Variants in ADGRA2 observed in about 807,000 individuals in gnomAD.
ADGRA2 encodes the protein adhesion G protein-coupled receptor A2.
Under a neutral mutation model 98.7 loss-of-function variants are expected in ADGRA2, and 61 were observed. The ratio of observed to expected loss-of-function variants is 0.62; its 90% CI spans 0.50 to 0.76. The LOEUF is 0.76. ADGRA2 is among the 30% of genes least tolerant of loss of function. ADGRA2 has a pLI of 0.00. For missense variants in ADGRA2, 1,712 were observed against 1,860.0 expected, an observed-to-expected ratio of 0.92 and a Z score of 1.46; for synonymous variants, 858 against 831.5, an observed-to-expected ratio of 1.03 and a Z score of -0.55.
rs1369837471 is a variant in ADGRA2 at position 37,802,339 on chromosome 8, C to T, written c.266+4805C>T. ...CAGGCCGGCGCCTCCACCCCCTTCTCTTCCACCAGCTTTCCCCCATATGGT... is the reference window on the plus strand; with the variant it reads ...CAGGCCGGCGCCTCCACCCCCTTCTTTTCCACCAGCTTTCCCCCATATGGT... On this transcript the variant is annotated intron_variant, in intron 1 of 18. Transcript: ENST00000412232. The surrounding 1 kb of genome is among the most constrained non-coding windows in gnomAD (Gnocchi z 4.7). Among the ~76,000 whole-genome samples, 3 of 152,240 alleles carry T rather than the reference C, an allele frequency of 2.0e-5. No homozygotes were observed. Among genetic ancestry groups the T allele is most frequent in the African/African-American group, 7.2e-5 (3 of 41,468 alleles).
In ADGRA2 at chr8:37,814,631, C is replaced by G. The variant is rs1237201189; in HGVS notation, c.267-265C>G. ...CATCACAGGGTCACCCCCACCTGCTCAGCCCACCTCCCACCTGCACACAGA... is the reference window on the plus strand; with the variant it reads ...CATCACAGGGTCACCCCCACCTGCTGAGCCCACCTCCCACCTGCACACAGA... On this transcript the variant is annotated intron_variant, in intron 1 of 18. Transcript: ENST00000412232. The surrounding 1 kb of genome is among the most constrained non-coding windows in gnomAD (Gnocchi z 4.3). 6.6e-6 allele frequency among the ~76,000 whole-genome samples: 1 copy of G among 152,242 alleles called. No homozygotes were observed. Among genetic ancestry groups the G allele is most frequent in the African/African-American group, 2.4e-5 (1 of 41,468 alleles).
At chr8:37,819,902 C>T (rs1663075166) in intron 2 of ADGRA2, among the ~76,000 whole-genome samples, 1 of 150,540 alleles carries the variant, frequency 6.6e-6, no homozygotes, top group Admixed American at 6.6e-5. Flanking sequence ...AACTCCTGAC[C>T]TCAAGTGATC....
chr8:37,799,601 C>T (rs778159670), intron 1 of ADGRA2, among the ~76,000 whole-genome samples: 53 of 152,116 alleles, frequency 3.5e-4, no homozygotes, highest in Non-Finnish European at 8.8e-5. Context: ...TTCCTATCCA[C>T]GCCACTCCAC....
rs532802520 is a variant in ADGRA2, at chr8:37,797,124, C to G, written c.-145C>G. 2.0e-6 allele frequency: 1 copy of G among 496,546 alleles called. No homozygotes were observed. Among genetic ancestry groups the G allele is most frequent in the South Asian group, 9.7e-5 (1 of 10,350 alleles). The allele number at this position is 496,546 out of a possible 1,614,324, so 30.8% of individuals were successfully genotyped here. On this transcript the variant is annotated 5_prime_UTR_variant, in exon 1 of 19. Coordinates refer to ENST00000412232, the MANE Select transcript of ADGRA2 (RefSeq NM_032777.10). This position sits in a 1 kb window ranked among gnomAD's most constrained non-coding sequence, Gnocchi z 5.3. ...CCCCCGGGGCGCGGCGGCGGGGACC[C>G]CGGGGCTCGCCTCCGCCCAGGGCCC... is the stretch of plus-strand genomic sequence containing the variant.
intron 7 of ADGRA2, among the ~76,000 whole-genome samples, chr8:37,831,214 A>G (rs1805442529): frequency 6.6e-6 from 1 of 152,258 alleles, no homozygotes; most frequent in Non-Finnish European, 1.5e-5. Context: ...CAAGAGAGAT[A>G]TTATTGGCTC....
chr8:37,811,558 C>T (rs1804834202), intron 1 of ADGRA2, among the ~76,000 whole-genome samples: 1 of 147,836 alleles, frequency 6.8e-6, no homozygotes. Flanking sequence ...CTCACTGGAA[C>T]CTCCGCCTCC....
In ADGRA2 at chr8:37,802,072, C is replaced by T. The variant is rs1217494898; in HGVS notation, c.266+4538C>T. The stretch of plus-strand genomic sequence containing the variant: ...CTGTCTGCCGCAGGTGTGCCTAGCA[C>T]GGGCTGGGTTCTTCTGCTGGGATTT... On this transcript the variant is annotated intron_variant, in intron 1 of 18. Coordinates refer to ENST00000412232, the MANE Select transcript of ADGRA2 (RefSeq NM_032777.10). The surrounding 1 kb of genome is among the most constrained non-coding windows in gnomAD (Gnocchi z 4.7). Among the ~76,000 whole-genome samples, 5 of 152,218 alleles carry T rather than the reference C, an allele frequency of 3.3e-5. No homozygotes were observed. The highest frequency in any genetic ancestry group is 4.8e-5 in the African/African-American group (2 of 41,456).
intron 1 of ADGRA2, among the ~76,000 whole-genome samples, chr8:37,805,298 G>A (rs1439925967): frequency 6.6e-6 from 1 of 152,220 alleles, no homozygotes; most frequent in Non-Finnish European, 1.5e-5. Context: ...TGTCCTTACA[G>A]TCTCCTGGAG....
Position 37,841,028 on chromosome 8 carries a change from C to A in ADGRA2, c.2748-58C>A. On this transcript the variant is annotated intron_variant, in intron 18 of 18. Coordinates refer to ENST00000412232, the MANE Select transcript of ADGRA2 (RefSeq NM_032777.10). The surrounding 1 kb of genome is among the most constrained non-coding windows in gnomAD (Gnocchi z 5.0). ...TCCTGTCTCCCCAACCACCCCGGCC[C>A]CCAGCCCCACCCCAGCCATGCCCCC... The A allele has an allele frequency of 6.8e-7, 1 of 1,475,778 alleles. No homozygotes were observed. 91.4% of individuals were successfully genotyped at this position (1,475,778 alleles called of 1,614,324 possible). A position where few individuals can be genotyped will look rare whatever the true frequency, so the allele number is the denominator to read the frequency against.
At chr8:37,808,933 T>A (rs533013072) in intron 1 of ADGRA2, among the ~76,000 whole-genome samples, 4 of 152,224 alleles carry the variant, frequency 2.6e-5, no homozygotes, top group African/African-American at 9.6e-5. Context: ...CAAGCGATTC[T>A]CCTGCCTCAG....
Position 37,841,987 on chromosome 8 carries a change from A to G in ADGRA2, c.3649A>G (p.Ser1217Gly). The G allele has an allele frequency of 6.6e-7, 1 of 1,508,756 alleles. No homozygotes were observed. The highest frequency in any genetic ancestry group is 8.8e-7 in the Non-Finnish European group (1 of 1,136,680). The allele number at this position is 1,508,756 out of a possible 1,614,324, so 93.5% of individuals were successfully genotyped here. A position where few individuals can be genotyped will look rare whatever the true frequency, so the allele number is the denominator to read the frequency against. The change falls in exon 19 of 19, where the codon AGC becomes GGC. Residue 1217 changes from serine (S) to glycine (G), a missense_variant. Transcript: ENST00000412232. This position sits in a 1 kb window ranked among gnomAD's most constrained non-coding sequence, Gnocchi z 5.0. ...GGCGGGGGCGCTGGAGCTGCTGTCC[A>G]GCGAGAGCGGCAGTCTGCACAACAG... ...GAAGALELLS[S>G]ESGSLHNSPT...
intron 1 of ADGRA2, among the ~76,000 whole-genome samples, chr8:37,808,558 CTG>C (rs150292268): frequency 0.079 from 11,492 of 146,206 alleles, 1,247 homozygotes; most frequent in African/African-American, 0.26. Flanking sequence ...TTGGATGAAG[CTG>C]TGTGTGTGTG....
At chr8:37,805,972 A>G (rs1382193628) in intron 1 of ADGRA2, among the ~76,000 whole-genome samples, 1 of 151,958 alleles carries the variant, frequency 6.6e-6, no homozygotes, top group African/African-American at 2.4e-5. Context: ...TTCAAGACCA[A>G]CCTGGGCAAC....
chr8:37,798,948 T>A (rs1367055891), intron 1 of ADGRA2, among the ~76,000 whole-genome samples: 1 of 152,220 alleles, frequency 6.6e-6, no homozygotes, highest in Admixed American at 6.5e-5. Flanking sequence ...TCAGGGCAGC[T>A]CTCTCTGACT....
intron 2 of ADGRA2, among the ~76,000 whole-genome samples, chr8:37,827,686 C>G (rs1048452705): frequency 6.6e-6 from 1 of 152,222 alleles, no homozygotes; most frequent in African/African-American, 2.4e-5. Flanking sequence ...CTGTCACTTC[C>G]CTGGCTTCCT....
intron 13 of ADGRA2, among the ~76,000 whole-genome samples, chr8:37,837,182 C>A (rs570987069): frequency 2.4e-4 from 37 of 152,328 alleles, no homozygotes; most frequent in African/African-American, 8.4e-4. Flanking sequence ...ACCACTAAGA[C>A]TTAAAGGACA....
intron 17 of ADGRA2, among the ~76,000 whole-genome samples, 180 bp downstream of exon 17, chr8:37,840,446 C>T (rs1029804216): frequency 2.0e-5 from 3 of 152,104 alleles, no homozygotes; most frequent in East Asian, 1.9e-4. Flanking sequence ...GGACATCTTG[C>T]GGGCTTCTGG....
chr8:37,841,678 C>G lies in ADGRA2; in HGVS notation c.3340C>G (p.Pro1114Ala), dbSNP rs1047671964. ...CGGTTCCCCGGTGTTCGGGGAGGGC[C>G]CCCCCTCCCTCAAGTCCTCCCCAAG... ...EDGSPVFGEG[P>A]PSLKSSPSGS... Residue 1114 changes from proline (P) to alanine (A), a missense_variant, in exon 19 of 19, where the codon CCC (proline) becomes GCC (alanine). Pro to Ala is a conservative substitution (Grantham distance 27). Transcript: ENST00000412232. This position sits in a 1 kb window ranked among gnomAD's most constrained non-coding sequence, Gnocchi z 5.0. 56 of 1,526,694 alleles carry G rather than the reference C, an allele frequency of 3.7e-5. No individual in the cohort carries two copies. Among genetic ancestry groups the G allele is most frequent in the Non-Finnish European group, 4.7e-5 (53 of 1,135,852 alleles). The allele number at this position is 1,526,694 out of a possible 1,614,324, so 94.6% of individuals were successfully genotyped here. A position where few individuals can be genotyped will look rare whatever the true frequency, so the allele number is the denominator to read the frequency against.
chr8:37,836,553 C>T (rs1805621800), intron 13 of ADGRA2, among the ~76,000 whole-genome samples: 1 of 152,146 alleles, frequency 6.6e-6, no homozygotes, highest in Non-Finnish European at 1.5e-5. Flanking sequence ...CATCTCTCCC[C>T]CGGGACCAGC....
Sources: allele counts gnomAD v4.1 joint callset (sites outside exome capture counted in the v4.1 genomes callset), GRCh38; gene constraint gnomAD v4.1.1; non-coding constraint Gnocchi (gnomAD v3.1); transcripts MANE v1.5; gene names NCBI Gene and HGNC (gene_info 2026-07-23, HGNC 2026-07-21).